Variants in LIPH observed in about 807,000 individuals in gnomAD.
LIPH encodes lipase H, also known as lipase member H.
LIPH carries 32 observed loss-of-function variants against 47.6 expected under a neutral mutation model. The observed-to-expected ratio is 0.67, with a 90% CI of 0.51 to 0.90. The LOEUF is 0.90. Among genes scored for constraint, LIPH ranks in the 40% least tolerant of loss-of-function variants. LIPH has a pLI of 0.00. For missense variants in LIPH, 497 were observed against 541.4 expected, an observed-to-expected ratio of 0.92 and a Z score of 0.81; for synonymous variants, 190 against 195.6, an observed-to-expected ratio of 0.97 and a Z score of 0.24.
chr3:185,516,933 A>G (rs1178485644), intron 7 of LIPH, 134 bp downstream of exon 7: 1 of 747,746 alleles, frequency 1.3e-6, no homozygotes, highest in Non-Finnish European at 2.5e-6. Context: ...TCAGGAGTCA[A>G]CCGAGGCCCT....
chr3:185,545,579 G>A lies in LIPH; in HGVS notation c.49+6844C>T, dbSNP rs573483457. Among the ~76,000 whole-genome samples the A allele has an allele frequency of 2.0e-5, 3 of 152,242 alleles. No individual in the cohort carries two copies. The South Asian group carries it at 6.2e-4, about 32-fold the overall frequency. ...TTACAGAAAATGTTTGCCAACCCTA[G>A]TCTAATGTCCTAAATACAAATACAG... On this transcript the variant is annotated intron_variant, in intron 1 of 9. Coordinates refer to ENST00000296252, the MANE Select transcript of LIPH (RefSeq NM_139248.3).
rs150976315 is a variant in LIPH, at chr3:185,514,496, T to A, written c.1008A>T (p.Ile336=). The A allele has an allele frequency of 1.3e-6, 2 of 1,503,628 alleles. No homozygotes were observed. Among genetic ancestry groups the A allele is most frequent in the Non-Finnish European group, 1.9e-6 (2 of 1,079,250 alleles). The allele number at this position is 1,503,628 out of a possible 1,614,324, so 93.1% of individuals were successfully genotyped here. The change falls in exon 8 of 10, where the codon ATA becomes ATT. Residue 336 remains isoleucine (I), a synonymous_variant. Transcript: ENST00000296252. ...FCMYHYFVDI[I]TWNKNVRRGD... ...CTCTTCTTACATTCTTGTTCCATGT[T>A]ATAATATCCACAAAGTAATGATACA...
chr3:185,514,958 C>T (rs1157136357), intron 7 of LIPH, among the ~76,000 whole-genome samples: 3 of 152,170 alleles, frequency 2.0e-5, no homozygotes, highest in African/African-American at 7.2e-5. Context: ...CATGCTCCAC[C>T]ACCTGCACTC....
At chr3:185,540,472 C>A (rs1577686976) in intron 1 of LIPH, among the ~76,000 whole-genome samples, 1 of 152,146 alleles carries the variant, frequency 6.6e-6, no homozygotes, top group Non-Finnish European at 1.5e-5. Flanking sequence ...AATCCCAGCA[C>A]TTTGGGAGGC....
intron 3 of LIPH, among the ~76,000 whole-genome samples, chr3:185,528,663 G>T (rs2148955688): frequency 6.6e-6 from 1 of 152,228 alleles, no homozygotes; most frequent in South Asian, 2.1e-4. Flanking sequence ...GAAACTCACT[G>T]GTCAGGCCAG....
intron 1 of LIPH, among the ~76,000 whole-genome samples, chr3:185,537,515 G>A (rs1273170821): frequency 6.6e-6 from 1 of 152,054 alleles, no homozygotes; most frequent in Non-Finnish European, 1.5e-5. Flanking sequence ...CACTTGCCCA[G>A]TTGTTTGTAG....
intron 1 of LIPH, among the ~76,000 whole-genome samples, chr3:185,542,292 C>T (rs1211999506): frequency 6.6e-6 from 1 of 151,872 alleles, no homozygotes; most frequent in Admixed American, 6.6e-5. Context: ...CTTAGTGCCA[C>T]GTTTTTTGCT....
At chr3:185,535,765 G>A (rs958378425) in intron 1 of LIPH, among the ~76,000 whole-genome samples, 6 of 151,386 alleles carry the variant, frequency 4.0e-5, no homozygotes, top group African/African-American at 1.5e-4. Flanking sequence ...ACAACACCGG[G>A]CTAATTTTTG....
intron 1 of LIPH, among the ~76,000 whole-genome samples, chr3:185,539,378 T>C (rs1295549326): frequency 6.6e-6 from 1 of 151,588 alleles, no homozygotes; most frequent in East Asian, 1.9e-4. Context: ...TTTTTTTTTT[T>C]CCTTTTTTTT....
chr3:185,529,750 T>G (rs1720252059), intron 3 of LIPH, among the ~76,000 whole-genome samples: 1 of 149,424 alleles, frequency 6.7e-6, no homozygotes, highest in Middle Eastern at 3.5e-3. Flanking sequence ...ATTTGTTGAG[T>G]GTGGTGGCTC....
intron 5 of LIPH, among the ~76,000 whole-genome samples, chr3:185,522,096 C>A (rs897178747): frequency 6.6e-6 from 1 of 152,136 alleles, no homozygotes; most frequent in African/African-American, 2.4e-5. Flanking sequence ...AAGGATGACA[C>A]CAGGTTCAAA....
Position 185,540,725 on chromosome 3 carries a change from CAAAAAAA to C in LIPH, c.50-5600_50-5594del, listed in dbSNP as rs550173961. Among the ~76,000 whole-genome samples, 11 of 86,156 alleles carry C rather than the reference CAAAAAAA, an allele frequency of 1.3e-4. No homozygotes were observed. The East Asian group carries it at 2.7e-3, about 21-fold the overall frequency. 56.5% of individuals were successfully genotyped at this position (86,156 alleles called of 152,430 possible). A position where few individuals can be genotyped will look rare whatever the true frequency, so the allele number is the denominator to read the frequency against. Reference sequence around the variant, plus strand: ...AGAGCAAGACTCCCTCTCAAAGAACCAAAAAAAAAAAAAAAAGAAATATTTAAAATCC... The same window carrying C: ...AGAGCAAGACTCCCTCTCAAAGAACCAAAAAAAAAGAAATATTTAAAATCC... On this transcript the variant is annotated intron_variant, in intron 1 of 9. Coordinates refer to ENST00000296252, the MANE Select transcript of LIPH (RefSeq NM_139248.3).
chr3:185,519,768 C>T (rs1337930425), intron 5 of LIPH, among the ~76,000 whole-genome samples: 2 of 119,142 alleles, frequency 1.7e-5, no homozygotes, highest in Non-Finnish European at 3.2e-5. Flanking sequence ...ACCTGGGAGG[C>T]GGAGGTTGCA....
At chr3:185,519,468 A>C (rs556834400) in intron 5 of LIPH, among the ~76,000 whole-genome samples, 159 bp from the exon 6 acceptor site, 27 of 152,190 alleles carry the variant, frequency 1.8e-4, no homozygotes, top group Non-Finnish European at 2.1e-4. Flanking sequence ...ATAAGAATTC[A>C]TGCTGGCAAG....
intron 3 of LIPH, among the ~76,000 whole-genome samples, chr3:185,530,034 T>C (rs949429961): frequency 2.0e-5 from 3 of 152,070 alleles, no homozygotes; most frequent in African/African-American, 7.2e-5. Context: ...CTGTAGTCCC[T>C]GTAGTCCTAG....
chr3:185,527,692 A>T, intron 3 of LIPH, 107 bp from the exon 4 acceptor site: 1 of 740,438 alleles, frequency 1.4e-6, no homozygotes, highest in Non-Finnish European at 2.4e-6. Flanking sequence ...GGGCACCCTC[A>T]GGTGGGTGAG....
At chr3:185,545,468 C>G (rs535911481) in intron 1 of LIPH, among the ~76,000 whole-genome samples, 2 of 152,326 alleles carry the variant, frequency 1.3e-5, no homozygotes, top group Non-Finnish European at 2.9e-5. Context: ...TATATATTGT[C>G]CACGGCTACT....
At chr3:185,510,294 C>A (rs924794078) in intron 9 of LIPH, among the ~76,000 whole-genome samples, 2 of 152,194 alleles carry the variant, frequency 1.3e-5, no homozygotes, top group African/African-American at 4.8e-5. Flanking sequence ...TAACTACTCA[C>A]ATCATTTCCT....
chr3:185,516,820 C>A (rs528587146), intron 7 of LIPH, among the ~76,000 whole-genome samples: 7 of 152,272 alleles, frequency 4.6e-5, no homozygotes, highest in African/African-American at 1.4e-4. Flanking sequence ...AACCTAATAT[C>A]CCAGAATACA....
Sources: allele counts gnomAD v4.1 joint callset (sites outside exome capture counted in the v4.1 genomes callset), GRCh38; gene constraint gnomAD v4.1.1; transcripts MANE v1.5; gene names NCBI Gene and HGNC (gene_info 2026-07-23, HGNC 2026-07-21).